The following TRRAP variants were observed in gnomAD, a reference collection of about 807,000 sequenced individuals.
TRRAP encodes the protein transformation/transcription domain associated protein, also known as transformation/transcription domain-associated protein.
In TRRAP, 41 loss-of-function variants were observed where a neutral mutation model predicts 438.8. The observed-to-expected ratio is 0.09, with a 90% confidence interval of 0.07 to 0.12. TRRAP has a LOEUF of 0.12. TRRAP is among the 10% of genes least tolerant of loss of function. The probability of loss-of-function intolerance (pLI) is 1.00; values close to 1 mark genes in which losing one functional copy is unlikely to be tolerated. For synonymous variants in TRRAP, 1,994 were observed against 1,962.9 expected (o/e 1.02, Z -0.42); for missense variants, 3,122 against 5,055.1 (o/e 0.62, Z 11.60).
chr7:98,969,984 G>A (rs1792338201), intron 51 of TRRAP, 128 bp from the exon 52 acceptor site: 1 of 1,111,356 alleles, frequency 9.0e-7, no homozygotes, highest in South Asian at 1.5e-5. Flanking sequence ...GTGGGAAAGG[G>A]TGCTGAGCTC....
intron 57 of TRRAP, 127 bp downstream of exon 57, chr7:98,978,450 C>T (rs1477460897): frequency 2.3e-6 from 2 of 858,334 alleles, no homozygotes; most frequent in Admixed American, 2.8e-5. Flanking sequence ...ACATAAAGAA[C>T]AAATAGAAAC....
intron 46 of TRRAP, 99 bp from the exon 47 acceptor site, chr7:98,962,203 C>T (rs1791927685): frequency 1.9e-6 from 3 of 1,572,862 alleles, no homozygotes; most frequent in Non-Finnish European, 1.7e-6. Flanking sequence ...CCGTGCCAAT[C>T]CCTCCTGATA....
At chr7:98,910,696 G>A in intron 16 of TRRAP, 89 bp downstream of exon 16, 1 of 1,112,004 alleles carries the variant, frequency 9.0e-7, no homozygotes, top group Non-Finnish European at 1.3e-6. Context: ...AGTGAGAGCT[G>A]TTAGTATTTG....
Position 98,925,177 on chromosome 7 carries a change from G to T in TRRAP, c.2889G>T (p.Ala963=). 1 of 1,614,208 alleles carries T rather than the reference G, an allele frequency of 6.2e-7. No individual in the cohort carries two copies. Among genetic ancestry groups the T allele is most frequent in the South Asian group, 1.1e-5 (1 of 91,084 alleles). Reference sequence around the variant, plus strand: ...CTGAGCCCTACTACCGGAGGCAGGCGTGGGAAGTGATCAAATGCTTCCTGG... The same window carrying T: ...CTGAGCCCTACTACCGGAGGCAGGCTTGGGAAGTGATCAAATGCTTCCTGG... ...ANTEPYYRRQ[A]WEVIKCFLVA... Residue 963 remains alanine (A), a synonymous_variant, in exon 22 of 73, where the codon GCG becomes GCT. Coordinates refer to ENST00000456197, the MANE Select transcript of TRRAP (RefSeq NM_001375524.1).
At chr7:98,944,059 C>T (rs907090796) in intron 31 of TRRAP, among the ~76,000 whole-genome samples, 3 of 152,030 alleles carry the variant, frequency 2.0e-5, no homozygotes, top group South Asian at 4.1e-4. Flanking sequence ...CACGCATGAC[C>T]CTGTTAAAGG....
Position 98,912,387 on chromosome 7 carries a change from CTT to C in TRRAP, c.2199+186_2199+187del, listed in dbSNP as rs5886089. On this transcript the variant is annotated intron_variant, in intron 18 of 72. Coordinates refer to ENST00000456197, the MANE Select transcript of TRRAP (RefSeq NM_001375524.1). ...CACTCACCACTGTGAGTGTGCCTGG[CTT>C]TTTTTTTTTTTAATTCTTATTTTCA... 2.3e-3 allele frequency among the ~76,000 whole-genome samples: 329 copies of C among 145,082 alleles called. 1 individual carries two copies. Among genetic ancestry groups the C allele is most frequent in the African/African-American group, 4.2e-3 (168 of 39,548 alleles).
At position 98,903,971 on chromosome 7, in the gene TRRAP, G is replaced by A. The variant is rs782189600; in HGVS notation, c.1036+454G>A. 1.7e-4 allele frequency among the ~76,000 whole-genome samples: 26 copies of A among 151,950 alleles called. 1 individual carries two copies. The highest frequency in any genetic ancestry group is 1.4e-3 in the Admixed American group (21 of 15,254). On this transcript the variant is annotated intron_variant, in intron 12 of 72. Coordinates refer to ENST00000456197, the MANE Select transcript of TRRAP (RefSeq NM_001375524.1). The stretch of plus-strand genomic sequence containing the variant: ...ATTACAGGCATCCACCACCACGCCC[G>A]GTTAATTTTTTTATTTTTAGTAGAG...
At position 99,004,309 on chromosome 7, in the gene TRRAP, G is replaced by C; in HGVS notation, c.10429G>C (p.Glu3477Gln). The change falls in exon 68 of 73, where the codon GAA becomes CAA. Residue 3477 changes from glutamate (E) to glutamine (Q), a missense_variant. By Grantham distance (29) the Glu-to-Gln change is conservative. Around this residue, in one of 24 missense-constraint regions of TRRAP, gnomAD observed 107 missense variants for 327.5 expected, o/e 0.33. Coordinates refer to ENST00000456197, the MANE Select transcript of TRRAP (RefSeq NM_001375524.1). ...KQLPKFFLIEEKCRFLSNFSA... is the reference protein window; with the variant it reads ...KQLPKFFLIEQKCRFLSNFSA... ...ACTCCCCAAATTCTTCCTCATAGAGGAAAAGTGCCGGTTCTTGAGCAATTT... is the reference window on the plus strand; with the variant it reads ...ACTCCCCAAATTCTTCCTCATAGAGCAAAAGTGCCGGTTCTTGAGCAATTT... 1 of 1,614,246 alleles carries C rather than the reference G, an allele frequency of 6.2e-7. No individual in the cohort carries two copies. The highest frequency in any genetic ancestry group is 1.3e-5 in the African/African-American group (1 of 75,054).
chr7:98,953,445 G>A lies in TRRAP; in HGVS notation c.5730+12G>A, dbSNP rs1554418740. The A allele has an allele frequency of 3.7e-6, 6 of 1,604,944 alleles. No homozygotes were observed. Among genetic ancestry groups the A allele is most frequent in the South Asian group, 1.1e-5 (1 of 91,074 alleles). On this transcript the variant is annotated intron_variant, in intron 40 of 72. Transcript: ENST00000456197. ...AGATCGTCCTGCAGGTATTTTGCAA[G>A]CCCCTCCTGTCCGCCGACATCAGCG...
At chr7:98,927,071 G>GT in intron 22 of TRRAP, 96 bp from the exon 23 acceptor site, 1 of 1,342,116 alleles carries the variant, frequency 7.5e-7, no homozygotes, top group Non-Finnish European at 1.0e-6. Context: ...TGAATAAGAG[G>GT]GAAGCAAGCA....
At chr7:98,894,794 T>TG (rs1420555914) in intron 6 of TRRAP, among the ~76,000 whole-genome samples, 1 of 144,044 alleles carries the variant, frequency 6.9e-6, no homozygotes, top group African/African-American at 2.6e-5. Flanking sequence ...TTTTTTTTTT[T>TG]TTTTTTTTTT....
chr7:98,896,471 G>A (rs531144387), intron 7 of TRRAP, among the ~76,000 whole-genome samples: 9 of 152,138 alleles, frequency 5.9e-5, no homozygotes, highest in South Asian at 4.1e-4. Flanking sequence ...GTATAGTGGC[G>A]TGATCTCTGC....
chr7:99,007,246 A>G (rs567436096), intron 69 of TRRAP, among the ~76,000 whole-genome samples: 1 of 152,350 alleles, frequency 6.6e-6, no homozygotes, highest in African/African-American at 2.4e-5. Flanking sequence ...ACAAGTTTGC[A>G]TCATTAGACA....
chr7:98,897,106 G>A (rs1326011507), intron 7 of TRRAP, among the ~76,000 whole-genome samples: 10 of 152,128 alleles, frequency 6.6e-5, no homozygotes, highest in South Asian at 6.2e-4. Flanking sequence ...ATGGTGGTGC[G>A]CGCTAGTAAT....
At chr7:99,004,100 C>T (rs1481457845) in intron 67 of TRRAP, 90 bp from the exon 68 acceptor site, 7 of 1,217,178 alleles carry the variant, frequency 5.8e-6, no homozygotes, top group South Asian at 3.0e-5. Flanking sequence ...ACATGTAATT[C>T]GTAGCTGGTA....
rs375589920 is a variant in TRRAP, at chr7:98,949,507, G to A, written c.4879G>A (p.Ala1627Thr). ...RFITLLLPGGAQTAVRPGSPS... is the reference protein window; with the variant it reads ...RFITLLLPGGTQTAVRPGSPS... ...CATCACCCTGCTGCTGCCGGGGGGT[G>A]CCCAGACGGCTGTGCGCCCCGGTTC... is the stretch of plus-strand genomic sequence containing the variant. Residue 1627 changes from alanine to threonine, a missense_variant, in exon 36 of 73, where the codon GCC becomes ACC. This residue lies in a region of TRRAP where 272 missense variants were observed against 348.5 expected (regional missense o/e 0.78). Transcript: ENST00000456197. 1.9e-5 allele frequency: 30 copies of A among 1,610,038 alleles called. No homozygotes were observed. Among genetic ancestry groups the A allele is most frequent in the Admixed American group, 5.1e-5 (3 of 59,036 alleles).
chr7:98,967,049 ACTC>A lies in TRRAP; in HGVS notation c.7187_7189del (p.Leu2396del), dbSNP rs1267062381. ...TCTCAAATTTCATACAGACACCTAC[ACTC>A]CGGGAGAAGTCCATTTTGCTTGTGA... On this transcript the variant is annotated inframe_deletion, in exon 50 of 73. Coordinates refer to ENST00000456197, the MANE Select transcript of TRRAP (RefSeq NM_001375524.1). The A allele has an allele frequency of 3.7e-6, 6 of 1,612,662 alleles. No homozygotes were observed. Among genetic ancestry groups the A allele is most frequent in the Non-Finnish European group, 5.1e-6 (6 of 1,179,464 alleles).
intron 8 of TRRAP, 21 bp from the exon 9 acceptor site, chr7:98,899,401 C>G: frequency 6.2e-7 from 1 of 1,612,862 alleles, no homozygotes; most frequent in East Asian, 2.2e-5. Flanking sequence ...AACCCGGGTC[C>G]TACCCATTTC....
chr7:98,977,402 G>A (rs948228014), intron 56 of TRRAP, among the ~76,000 whole-genome samples: 2 of 152,106 alleles, frequency 1.3e-5, no homozygotes, highest in Non-Finnish European at 2.9e-5. Context: ...CCTAAGATCC[G>A]CCCACCTCGG....
Sources: allele counts gnomAD v4.1 joint callset (sites outside exome capture counted in the v4.1 genomes callset), GRCh38; gene constraint gnomAD v4.1.1; regional missense constraint gnomAD v4.1.1; transcripts MANE v1.5; gene names NCBI Gene and HGNC (gene_info 2026-07-23, HGNC 2026-07-21).